The following R3HDM2 variants were observed in gnomAD, a reference collection of about 807,000 sequenced individuals.
The protein encoded by R3HDM2 is R3H domain-containing protein 2.
A neutral mutation model predicts 124.5 loss-of-function variants in R3HDM2; 38 were observed. The ratio of observed to expected loss-of-function variants is 0.31; its 90% CI spans 0.24 to 0.40. The LOEUF (loss-of-function observed/expected upper bound fraction) is 0.40. Ranked by LOEUF, R3HDM2 falls within the 10% of genes least tolerant of loss-of-function variation. R3HDM2 has a pLI of 1.00. For synonymous variants in R3HDM2, 391 were observed against 448.0 expected, an observed-to-expected ratio of 0.87 and a Z score of 1.61; for missense variants, 869 against 1,236.9, an observed-to-expected ratio of 0.70 and a Z score of 4.46.
chr12:57,430,505 C>CCA, intron 1 of R3HDM2: 1 of 983,488 alleles, frequency 1.0e-6, no homozygotes, highest in Non-Finnish European at 1.2e-6. Context: ...GCACCGCCGC[C>CCA]CTCCGCCCCG....
chr12:57,280,858 A>G (rs1452412204), intron 13 of R3HDM2, among the ~76,000 whole-genome samples: 1 of 152,170 alleles, frequency 6.6e-6, no homozygotes, highest in East Asian at 1.9e-4. Flanking sequence ...AAACTTAGAT[A>G]GCTGAAAATA....
At chr12:57,331,105 T>C (rs1471326000) in intron 2 of R3HDM2, among the ~76,000 whole-genome samples, 1 of 152,222 alleles carries the variant, frequency 6.6e-6, no homozygotes, top group Non-Finnish European at 1.5e-5. Flanking sequence ...TCTTGCCTTG[T>C]CATTCCACCA....
intron 1 of R3HDM2, among the ~76,000 whole-genome samples, chr12:57,405,525 T>C (rs1368653015): frequency 2.0e-5 from 3 of 152,040 alleles, no homozygotes; most frequent in Non-Finnish European, 4.4e-5. Context: ...TCTCAGCTAC[T>C]GGGGAGGCTG....
intron 10 of R3HDM2, among the ~76,000 whole-genome samples, chr12:57,293,186 A>C (rs1261427541): frequency 6.6e-6 from 1 of 152,234 alleles, no homozygotes; most frequent in Non-Finnish European, 1.5e-5. Flanking sequence ...ACAGCTCAGC[A>C]AAGAGGGCCT....
At chr12:57,415,207 G>A (rs1230571566) in intron 1 of R3HDM2, 1 of 152,000 alleles carries the variant, frequency 6.6e-6, no homozygotes, top group Non-Finnish European at 1.5e-5. Flanking sequence ...CATAAGGGAG[G>A]AGAAAAGCTC....
At chr12:57,397,037 G>C (rs1253840546) in intron 1 of R3HDM2, among the ~76,000 whole-genome samples, 3 of 151,890 alleles carry the variant, frequency 2.0e-5, no homozygotes. Context: ...AAATTGCAGT[G>C]AGCCAAGATC....
At chr12:57,324,181 A>G (rs2056912294) in intron 2 of R3HDM2, among the ~76,000 whole-genome samples, 1 of 152,118 alleles carries the variant, frequency 6.6e-6, no homozygotes, top group African/African-American at 2.4e-5. Flanking sequence ...TTCAGTATTA[A>G]AACAATCTTT....
chr12:57,397,899 G>T (rs2067707894), intron 1 of R3HDM2, among the ~76,000 whole-genome samples: 1 of 152,154 alleles, frequency 6.6e-6, no homozygotes, highest in South Asian at 2.1e-4. Context: ...GTGAAATACT[G>T]TGGGCCGGGC....
In R3HDM2 at chr12:57,295,270, C is replaced by T. The variant is rs1041951846; in HGVS notation, c.810+129G>A. 37 of 668,290 alleles carry T rather than the reference C, an allele frequency of 5.5e-5. No individual in the cohort carries two copies. In the South Asian group the frequency reaches 6.0e-4, roughly 11 times the overall value. 41.4% of individuals were successfully genotyped at this position (668,290 alleles called of 1,614,324 possible). ...CTCAACATTAAGCCAAAGCCAACTCCGTATAGCTCAATACATTTCTCCGTA... is the reference window on the plus strand; with the variant it reads ...CTCAACATTAAGCCAAAGCCAACTCTGTATAGCTCAATACATTTCTCCGTA... On this transcript the variant is annotated intron_variant, in intron 10 of 23. Transcript: ENST00000402412.
chr12:57,337,455 T>G (rs1468300842), intron 2 of R3HDM2, among the ~76,000 whole-genome samples: 1 of 152,086 alleles, frequency 6.6e-6, no homozygotes, highest in East Asian at 1.9e-4. Context: ...CCAGCCCAAA[T>G]TTCCCAAGAA....
At chr12:57,424,445 A>C (rs1055634669) in intron 1 of R3HDM2, among the ~76,000 whole-genome samples, 1 of 152,094 alleles carries the variant, frequency 6.6e-6, no homozygotes, top group Non-Finnish European at 1.5e-5. Flanking sequence ...TACAGGCGTG[A>C]GCCACCACAC....
chr12:57,393,624 T>C (rs1386490908), intron 2 of R3HDM2, among the ~76,000 whole-genome samples: 1 of 152,108 alleles, frequency 6.6e-6, no homozygotes, highest in Non-Finnish European at 1.5e-5. Flanking sequence ...AGGAGTCCTA[T>C]GAGAGGAGAA....
chr12:57,301,228 TC>T (rs1247006926), intron 4 of R3HDM2, among the ~76,000 whole-genome samples: 1 of 152,160 alleles, frequency 6.6e-6, no homozygotes, highest in Admixed American at 6.5e-5. Flanking sequence ...AGCTGGTGAA[TC>T]CCAAAAATAT....
chr12:57,272,088 G>A (rs1425891524), intron 14 of R3HDM2, among the ~76,000 whole-genome samples: 3 of 152,104 alleles, frequency 2.0e-5, no homozygotes, highest in Non-Finnish European at 2.9e-5. Context: ...GGAAATTATA[G>A]AGAACCATTC....
chr12:57,359,521 A>C (rs185731838), intron 2 of R3HDM2, among the ~76,000 whole-genome samples: 4 of 152,228 alleles, frequency 2.6e-5, no homozygotes, highest in Non-Finnish European at 5.9e-5. Context: ...GATTTCTTCT[A>C]ATTGGTGTTT....
intron 1 of R3HDM2, among the ~76,000 whole-genome samples, chr12:57,424,793 C>T (rs1566531257): frequency 6.6e-6 from 1 of 152,110 alleles, no homozygotes; most frequent in African/African-American, 2.4e-5. Context: ...CAGCTGCAAA[C>T]TTCTGGGCTC....
intron 5 of R3HDM2, 23 bp downstream of exon 5, chr12:57,300,071 CA>C (rs1361633899): frequency 6.5e-7 from 1 of 1,528,042 alleles, no homozygotes; most frequent in Admixed American, 2.0e-5. Flanking sequence ...GCAAAAGCTA[CA>C]CTTACTCCTG....
chr12:57,326,268 C>T (rs1296086857), intron 2 of R3HDM2, among the ~76,000 whole-genome samples: 1 of 152,238 alleles, frequency 6.6e-6, no homozygotes, highest in African/African-American at 2.4e-5. Context: ...AGTCACACAT[C>T]TCTCACTTTA....
intron 11 of R3HDM2, among the ~76,000 whole-genome samples, chr12:57,289,912 T>C (rs923715299): frequency 3.3e-5 from 5 of 152,318 alleles, no homozygotes; most frequent in African/African-American, 9.6e-5. Flanking sequence ...CAGGCTCCTC[T>C]CCACATGGAA....
Sources: gnomAD v4.1 joint callset for allele counts (sites outside exome capture counted in the v4.1 genomes callset) on GRCh38, gnomAD v4.1.1 for gene constraint, MANE v1.5 for transcripts, NCBI Gene and HGNC (gene_info 2026-07-23, HGNC 2026-07-21) for gene names.